PTPRD: variants seen among roughly 807,000 people sequenced by gnomAD.
PTPRD encodes the protein receptor-type tyrosine-protein phosphatase delta.
In PTPRD, 34 loss-of-function variants were observed where a neutral mutation model predicts 214.5. That is an observed-to-expected ratio of 0.16 (90% CI 0.12 to 0.21). The LOEUF is 0.21. Ranked by LOEUF, PTPRD falls within the 10% of genes least tolerant of loss-of-function variation. The probability of loss-of-function intolerance (pLI) is 1.00; values close to 1 mark genes in which losing one functional copy is unlikely to be tolerated. For synonymous variants in PTPRD, 1,128 were observed against 845.7 expected (o/e 1.33, Z -5.79); for missense variants, 2,545 against 2,398.7 (o/e 1.06, Z -1.27).
chr9:9,800,154 A>G (rs1235225966), intron 5 of PTPRD, among the ~76,000 whole-genome samples: 1 of 152,318 alleles, frequency 6.6e-6, no homozygotes, highest in East Asian at 1.9e-4. Context: ...TTTTGGGATT[A>G]TCTTAATGCC....
intron 8 of PTPRD, among the ~76,000 whole-genome samples, chr9:9,525,551 A>C (rs991627064): frequency 6.6e-6 from 1 of 152,198 alleles, no homozygotes; most frequent in African/African-American, 2.4e-5. Flanking sequence ...ATTATTAATA[A>C]TACTAAGAGA....
intron 27 of PTPRD, among the ~76,000 whole-genome samples, chr9:8,491,669 A>AC: frequency 6.6e-6 from 1 of 151,614 alleles, no homozygotes; most frequent in East Asian, 1.9e-4. Context: ...AAAAAAAAAA[A>AC]AAAAAAAAAG....
chr9:9,729,802 T>C (rs1185943226), intron 7 of PTPRD, among the ~76,000 whole-genome samples: 1 of 152,106 alleles, frequency 6.6e-6, no homozygotes, highest in Non-Finnish European at 1.5e-5. Flanking sequence ...CATGAGAGTA[T>C]GATTCCTTCC....
At chr9:10,304,559 CAA>C (rs1385072999) in intron 3 of PTPRD, among the ~76,000 whole-genome samples, 9 of 152,144 alleles carry the variant, frequency 5.9e-5, no homozygotes, top group Admixed American at 5.9e-4. Context: ...GCAACTTCAG[CAA>C]AGTCTCAGGA....
chr9:9,649,411 C>T (rs563410683), intron 7 of PTPRD, among the ~76,000 whole-genome samples: 2 of 152,142 alleles, frequency 1.3e-5, no homozygotes, highest in Admixed American at 1.3e-4. Flanking sequence ...TTATAAACTG[C>T]TTAAGTTTAA....
intron 5 of PTPRD, among the ~76,000 whole-genome samples, chr9:9,873,920 T>C (rs546225470): frequency 6.6e-6 from 1 of 152,106 alleles, no homozygotes; most frequent in Non-Finnish European, 1.5e-5. Context: ...AAACAATAGC[T>C]GACGTGTATT....
At chr9:10,315,957 C>T (rs562592457) in intron 3 of PTPRD, among the ~76,000 whole-genome samples, 4 of 151,772 alleles carry the variant, frequency 2.6e-5, no homozygotes, top group Non-Finnish European at 4.4e-5. Flanking sequence ...AACTTGGAAT[C>T]GCTTTTGGAT....
chr9:9,716,313 T>C lies in PTPRD; in HGVS notation c.-287+18220A>G, dbSNP rs535460333. Among the ~76,000 whole-genome samples the C allele has an allele frequency of 1.8e-3, 275 of 152,032 alleles. 1 individual carries two copies. The highest frequency in any genetic ancestry group is 4.5e-3 in the Admixed American group (68 of 15,260). The stretch of plus-strand genomic sequence containing the variant: ...ATTGTGAATAGTGCTGTAATAAACA[T>C]ACGTGTGCATGTGTCTTTATAGCAG... On this transcript the variant is annotated intron_variant, in intron 7 of 45. Coordinates refer to ENST00000381196, the MANE Select transcript of PTPRD (RefSeq NM_002839.4).
At chr9:8,354,215 T>C (rs2076404293) in intron 39 of PTPRD, among the ~76,000 whole-genome samples, 1 of 151,908 alleles carries the variant, frequency 6.6e-6, no homozygotes, top group Admixed American at 6.6e-5. Flanking sequence ...CTATTGTAAT[T>C]ATAAGGTGCT....
intron 2 of PTPRD, among the ~76,000 whole-genome samples, chr9:10,598,090 G>A (rs2077021502): frequency 6.6e-6 from 1 of 151,784 alleles, no homozygotes; most frequent in Non-Finnish European, 1.5e-5. Context: ...TGTGTATGGA[G>A]TGACAAGAAA....
At chr9:9,365,193 T>C (rs1373046299) in intron 9 of PTPRD, among the ~76,000 whole-genome samples, 1 of 151,558 alleles carries the variant, frequency 6.6e-6, no homozygotes, top group Non-Finnish European at 1.5e-5. Flanking sequence ...AAAATTGTTC[T>C]ATGTTACAGG....
intron 5 of PTPRD, among the ~76,000 whole-genome samples, chr9:9,833,368 G>C (rs1392093958): frequency 1.3e-5 from 2 of 151,972 alleles, no homozygotes; most frequent in Non-Finnish European, 2.9e-5. Flanking sequence ...TTCAAAAGGG[G>C]AGGGAGTATA....
intron 3 of PTPRD, among the ~76,000 whole-genome samples, chr9:10,312,710 T>C (rs2096301077): frequency 1.3e-5 from 2 of 151,448 alleles, no homozygotes; most frequent in African/African-American, 4.9e-5. Context: ...GAAAAGAGAG[T>C]AAGACAATAA....
At chr9:8,873,941 G>C (rs755440192) in intron 11 of PTPRD, among the ~76,000 whole-genome samples, 1 of 152,066 alleles carries the variant, frequency 6.6e-6, no homozygotes, top group Non-Finnish European at 1.5e-5. Context: ...GTGTGCACCT[G>C]GTCATTAAAA....
chr9:8,335,039 G>C (rs1007298363), intron 43 of PTPRD, among the ~76,000 whole-genome samples: 11 of 151,880 alleles, frequency 7.2e-5, no homozygotes, highest in African/African-American at 2.4e-4. Context: ...AACCAAAAAA[G>C]TCCAGGACCA....
intron 5 of PTPRD, among the ~76,000 whole-genome samples, chr9:9,827,557 G>C (rs2053366193): frequency 6.6e-6 from 1 of 152,072 alleles, no homozygotes; most frequent in South Asian, 2.1e-4. Flanking sequence ...AAAAACCCTA[G>C]AAGAAAACCT....
chr9:9,144,392 T>C (rs1025838747), intron 10 of PTPRD, among the ~76,000 whole-genome samples: 2 of 152,172 alleles, frequency 1.3e-5, no homozygotes, highest in African/African-American at 4.8e-5. Context: ...AAATAGTTCA[T>C]TTTTTTATGT....
At chr9:9,472,239 C>G (rs2094652180) in intron 8 of PTPRD, among the ~76,000 whole-genome samples, 2 of 142,116 alleles carry the variant, frequency 1.4e-5, no homozygotes, top group South Asian at 4.5e-4. Context: ...CTCTGTCGCC[C>G]AGGCCGGACT....
chr9:10,180,494 CA>C lies in PTPRD; in HGVS notation c.-544-146705del, dbSNP rs1209438308. Among the ~76,000 whole-genome samples the C allele has an allele frequency of 2.0e-5, 3 of 150,100 alleles. No homozygotes were observed. In the Admixed American group the frequency reaches 2.0e-4, roughly 10 times the overall value. On this transcript the variant is annotated intron_variant, in intron 3 of 45. Coordinates refer to ENST00000381196, the MANE Select transcript of PTPRD (RefSeq NM_002839.4). ...GGATCATTTCACTGATGAACACTAA[CA>C]AACTTCTCAAGAGAGTCCATCTAAT...
Sources: allele counts gnomAD v4.1 joint callset (sites outside exome capture counted in the v4.1 genomes callset), GRCh38; gene constraint gnomAD v4.1.1; transcripts MANE v1.5; gene names NCBI Gene and HGNC (gene_info 2026-07-23, HGNC 2026-07-21).